CACNA1B: variants seen among roughly 807,000 people sequenced by gnomAD.
The protein encoded by CACNA1B is calcium voltage-gated channel subunit alpha1 B, also known as voltage-dependent N-type calcium channel subunit alpha-1B.
Under a neutral mutation model 247.2 loss-of-function variants are expected in CACNA1B, and 70 were observed. That is an observed-to-expected ratio of 0.28 (90% CI 0.23 to 0.35). The LOEUF (loss-of-function observed/expected upper bound fraction) is 0.35, where lower values mean the gene tolerates loss of function less well. CACNA1B is among the 10% of genes least tolerant of loss of function. The pLI, the probability that CACNA1B is intolerant of heterozygous loss-of-function variation, is 1.00. For synonymous variants in CACNA1B, 1,231 were observed against 1,294.4 expected (o/e 0.95, Z 1.05); for missense variants, 2,367 against 3,197.4 (o/e 0.74, Z 6.26).
At chr9:138,008,186 A>G (rs983902396) in intron 16 of CACNA1B, among the ~76,000 whole-genome samples, 1 of 152,210 alleles carries the variant, frequency 6.6e-6, no homozygotes, top group Non-Finnish European at 1.5e-5. Context: ...AAAGAAAGGC[A>G]GCCCCGGTTG....
chr9:137,928,540 C>T (rs181227352), intron 6 of CACNA1B, among the ~76,000 whole-genome samples: 45 of 152,224 alleles, frequency 3.0e-4, no homozygotes, highest in Admixed American at 1.7e-3. Flanking sequence ...CTTTTAAAAA[C>T]GTTTGGTAGG....
At chr9:137,987,153 A>G (rs1958373808) in intron 15 of CACNA1B, among the ~76,000 whole-genome samples, 1 of 152,136 alleles carries the variant, frequency 6.6e-6, no homozygotes, top group Non-Finnish European at 1.5e-5. Flanking sequence ...TGTATCTCTT[A>G]GCTCCTGAGA....
Position 137,971,565 on chromosome 9 carries a change from C to G in CACNA1B, c.1516C>G (p.Gln506Glu). The G allele has an allele frequency of 6.2e-7, 1 of 1,613,510 alleles. No individual in the cohort carries two copies. Among genetic ancestry groups the G allele is most frequent in the Non-Finnish European group, 8.5e-7 (1 of 1,179,682 alleles). ...GTGTGTGGCCATGGTGCATTACAAC[C>G]AGCCGCGGCGGCTTACCACGACCCT... Reference protein sequence around the residue: ...TLCVAMVHYNQPRRLTTTLYF... With the variant: ...TLCVAMVHYNEPRRLTTTLYF... Residue 506 changes from glutamine (Q) to glutamate (E), a missense_variant, in exon 11 of 47, where the codon CAG becomes GAG. Transcript: ENST00000371372. The surrounding 1 kb of genome is among the most constrained non-coding windows in gnomAD (Gnocchi z 4.4).
chr9:138,048,887 T>C (rs1022694360), intron 23 of CACNA1B, among the ~76,000 whole-genome samples: 2 of 152,154 alleles, frequency 1.3e-5, no homozygotes, highest in Non-Finnish European at 2.9e-5. Context: ...CCGGCTAATT[T>C]TTGTATGTTT....
rs370490055 is a variant in CACNA1B at position 138,008,958 on chromosome 9, G to A, written c.2093-1052G>A. Among the ~76,000 whole-genome samples, 94 of 152,352 alleles carry A rather than the reference G, an allele frequency of 6.2e-4. 2 individuals are homozygous for A. The highest frequency in any genetic ancestry group is 2.1e-3 in the African/African-American group (86 of 41,588). On this transcript the variant is annotated intron_variant, in intron 16 of 46. Transcript: ENST00000371372. ...CTGGAGTGATAAAATGGCCAGGAGG[G>A]CACCCCCAATGGCCAGGGTCTGGAG... is the stretch of plus-strand genomic sequence containing the variant.
At chr9:137,925,583 C>T (rs1315840098) in intron 6 of CACNA1B, among the ~76,000 whole-genome samples, 1 of 152,140 alleles carries the variant, frequency 6.6e-6, no homozygotes, top group Non-Finnish European at 1.5e-5. Context: ...TCAACCTTAC[C>T]AACTCCCTTA....
In CACNA1B at chr9:137,938,277, A is replaced by C. The variant is rs566945695; in HGVS notation, c.967-13997A>C. 3.3e-5 allele frequency among the ~76,000 whole-genome samples: 5 copies of C among 152,340 alleles called. No homozygotes were observed. In the South Asian group the frequency reaches 1.0e-3, roughly 32 times the overall value. ...TAGAAGGAGCTCTAAATCTTGAAAC[A>C]AATTTTCAAAATACACCAAAATGGA... On this transcript the variant is annotated intron_variant, in intron 6 of 46. Coordinates refer to ENST00000371372, the MANE Select transcript of CACNA1B (RefSeq NM_000718.4).
Position 138,045,164 on chromosome 9 carries a change from G to A in CACNA1B, c.3413+1264G>A, listed in dbSNP as rs145073958. Among the ~76,000 whole-genome samples, 457 of 152,362 alleles carry A rather than the reference G, an allele frequency of 3.0e-3. 1 individual carries two copies. Among genetic ancestry groups the A allele is most frequent in the African/African-American group, 0.01 (431 of 41,584 alleles). On this transcript the variant is annotated intron_variant, in intron 21 of 46. Coordinates refer to ENST00000371372, the MANE Select transcript of CACNA1B (RefSeq NM_000718.4). Reference sequence around the variant, plus strand: ...AGTAGCCCAGAAGTAGAAGCCAGCAGTTGGCACACAGCCAAGGACAGAACT... The same window carrying A: ...AGTAGCCCAGAAGTAGAAGCCAGCAATTGGCACACAGCCAAGGACAGAACT...
At chr9:137,942,300 T>C (rs1002191678) in intron 6 of CACNA1B, among the ~76,000 whole-genome samples, 13 of 152,190 alleles carry the variant, frequency 8.5e-5, no homozygotes, top group Non-Finnish European at 1.6e-4. Context: ...GCAAGAATGG[T>C]GGTAATAAAA....
Position 137,974,773 on chromosome 9 carries a change from C to G in CACNA1B, c.1544-1134C>G, listed in dbSNP as rs899582242. On this transcript the variant is annotated intron_variant, in intron 11 of 46. Coordinates refer to ENST00000371372, the MANE Select transcript of CACNA1B (RefSeq NM_000718.4). The surrounding 1 kb of genome is among the most constrained non-coding windows in gnomAD (Gnocchi z 4.5). ...CCTGGGAAGGCCGAGCTGGACTCTGCCCAGTTGTGGACTCTCAGGGGCCTG... is the reference window on the plus strand; with the variant it reads ...CCTGGGAAGGCCGAGCTGGACTCTGGCCAGTTGTGGACTCTCAGGGGCCTG... Among the ~76,000 whole-genome samples the G allele has an allele frequency of 6.6e-6, 1 of 152,226 alleles. No homozygotes were observed. Among genetic ancestry groups the G allele is most frequent in the Admixed American group, 6.5e-5 (1 of 15,288 alleles).
At chr9:137,890,275 T>C (rs1234740805) in intron 3 of CACNA1B, 1 of 149,288 alleles carries the variant, frequency 6.7e-6, no homozygotes, top group Non-Finnish European at 1.5e-5. Context: ...TCTTTCACCA[T>C]GGGGACTGGA....
intron 21 of CACNA1B, among the ~76,000 whole-genome samples, chr9:138,044,838 C>A (rs929981286): frequency 6.6e-6 from 1 of 152,260 alleles, no homozygotes; most frequent in Non-Finnish European, 1.5e-5. Flanking sequence ...CTCCTCCCCC[C>A]AGTCACTCTT....
intron 3 of CACNA1B, among the ~76,000 whole-genome samples, chr9:137,894,736 T>C (rs1306035557): frequency 6.6e-6 from 1 of 152,188 alleles, no homozygotes; most frequent in Non-Finnish European, 1.5e-5. Flanking sequence ...GAAATGTGTC[T>C]TCATATATTT....
At position 138,118,703 on chromosome 9, in the gene CACNA1B, C is replaced by G. The variant is rs199740482; in HGVS notation, c.5965C>G (p.Pro1989Ala). The G allele has an allele frequency of 1.7e-4, 267 of 1,565,788 alleles. No individual in the cohort carries two copies. Among genetic ancestry groups the G allele is most frequent in the Middle Eastern group, 3.4e-4 (2 of 5,960 alleles). ...SITRRGPDGE[P>A]QPGLESQGRA... Reference sequence around the variant, plus strand: ...AACCCGGAGGGGCCCTGATGGGGAGCCCCAGCCTGGGCTGGAGAGCCAGGG... The same window carrying G: ...AACCCGGAGGGGCCCTGATGGGGAGGCCCAGCCTGGGCTGGAGAGCCAGGG... The change falls in exon 44 of 47, where the codon CCC becomes GCC. Residue 1989 changes from proline to alanine, a missense_variant. Pro to Ala is a conservative substitution (Grantham distance 27). This residue lies in a region of CACNA1B where 773 missense variants were observed against 779.4 expected (regional missense o/e 0.99). Coordinates refer to ENST00000371372, the MANE Select transcript of CACNA1B (RefSeq NM_000718.4).
intron 42 of CACNA1B, 62 bp downstream of exon 42, chr9:138,115,741 A>T (rs1589137130): frequency 6.6e-7 from 1 of 1,511,420 alleles, no homozygotes; most frequent in East Asian, 2.3e-5. Context: ...TAAAGGGGGA[A>T]GCAGACATCC....
At chr9:137,975,456 G>C (rs1162556873) in intron 11 of CACNA1B, among the ~76,000 whole-genome samples, 1 of 152,164 alleles carries the variant, frequency 6.6e-6, no homozygotes, top group African/African-American at 2.4e-5. Context: ...CTGACAAGGA[G>C]GTTGAGGGAC....
intron 31 of CACNA1B, among the ~76,000 whole-genome samples, chr9:138,061,583 A>G (rs146500297): frequency 2.1e-3 from 319 of 152,238 alleles, no homozygotes; most frequent in Non-Finnish European, 2.0e-3. Flanking sequence ...GTTGCGTTAG[A>G]TGATCCAGTG....
At position 138,052,831 on chromosome 9, in the gene CACNA1B, G is replaced by T. The variant is rs1959342062; in HGVS notation, c.3807+643G>T. Among the ~76,000 whole-genome samples the T allele has an allele frequency of 6.6e-6, 1 of 152,214 alleles. No individual in the cohort carries two copies. Among genetic ancestry groups the T allele is most frequent in the Non-Finnish European group, 1.5e-5 (1 of 68,036 alleles). On this transcript the variant is annotated intron_variant, in intron 25 of 46. Transcript: ENST00000371372. This position sits in a 1 kb window ranked among gnomAD's most constrained non-coding sequence, Gnocchi z 5.1. ...TCGGAGGCCCACTGGGTCCAGGGAG[G>T]AGTGGCACCTGCCCTGGCACCGAGT...
At chr9:138,037,103 A>G (rs555135255) in intron 20 of CACNA1B, among the ~76,000 whole-genome samples, 3 of 152,030 alleles carry the variant, frequency 2.0e-5, no homozygotes, top group Non-Finnish European at 2.9e-5. Context: ...TGTTGGGGAG[A>G]ACATATGGTT....
Sources: allele counts gnomAD v4.1 joint callset (sites outside exome capture counted in the v4.1 genomes callset), GRCh38; gene constraint gnomAD v4.1.1; regional missense constraint gnomAD v4.1.1; non-coding constraint Gnocchi (gnomAD v3.1); transcripts MANE v1.5; gene names NCBI Gene and HGNC (gene_info 2026-07-23, HGNC 2026-07-21).